The following KDM4D variants were observed in gnomAD, a reference collection of about 807,000 sequenced individuals.
KDM4D encodes the protein lysine-specific demethylase 4D.
For synonymous variants in KDM4D, 254 were observed against 249.1 expected (o/e 1.02, Z -0.19); for missense variants, 427 against 674.8 (o/e 0.63, Z 4.07).
At position 94,998,326 on chromosome 11, in the gene KDM4D, C is replaced by T. The variant is rs1555099521; in HGVS notation, c.954C>T (p.Thr318=). ...GTAGCTGTGGGGAGGCAAGGGTGAC[C>T]TTTTCCATGGATGCCTTCGTGCGCA... The part of the protein sequence containing the change: ...SQCSCGEARV[T]FSMDAFVRIL... Residue 318 remains threonine (T), a synonymous_variant, in exon 3 of 3, where the codon ACC becomes ACT. Transcript: ENST00000335080. This position sits in a 1 kb window ranked among gnomAD's most constrained non-coding sequence, Gnocchi z 6.7. 1 of 1,614,150 alleles carries T rather than the reference C, an allele frequency of 6.2e-7. No homozygotes were observed. The highest frequency in any genetic ancestry group is 1.7e-5 in the Admixed American group (1 of 60,016).
At chr11:94,996,585 T>G (rs997363785) in intron 2 of KDM4D, among the ~76,000 whole-genome samples, 4 of 152,378 alleles carry the variant, frequency 2.6e-5, no homozygotes, top group Non-Finnish European at 5.9e-5. Flanking sequence ...TGGTTTATCT[T>G]CATTGCTATA....
At chr11:94,995,476 T>A (rs1857968173) in intron 2 of KDM4D, among the ~76,000 whole-genome samples, 1 of 152,140 alleles carries the variant, frequency 6.6e-6, no homozygotes, top group Non-Finnish European at 1.5e-5. Context: ...TAAAGGAAGA[T>A]GAACAGTCAA....
intron 1 of KDM4D, among the ~76,000 whole-genome samples, chr11:94,975,245 G>T (rs1857787560): frequency 6.6e-6 from 1 of 151,898 alleles, no homozygotes; most frequent in South Asian, 2.1e-4. Flanking sequence ...CAACACTTGT[G>T]TTTGTACACC....
At chr11:94,985,891 A>G (rs1857881203) in intron 2 of KDM4D, among the ~76,000 whole-genome samples, 2 of 152,234 alleles carry the variant, frequency 1.3e-5, no homozygotes, top group Admixed American at 1.3e-4. Context: ...CCTACCTCAC[A>G]GCATACACAA....
chr11:94,982,435 G>A (rs972551526), intron 2 of KDM4D, among the ~76,000 whole-genome samples: 1 of 151,170 alleles, frequency 6.6e-6, no homozygotes, highest in Non-Finnish European at 1.5e-5. Context: ...TCAAAGTTTA[G>A]AGCCACTCTT....
chr11:94,998,950 C>T lies in KDM4D; in HGVS notation c.*6C>T, dbSNP rs782566671. ...GCTGGGCCCCTGTGCCCTAAGTCCACGGGCTGTCTTTATATCCCACTGCCC... is the reference window on the plus strand; with the variant it reads ...GCTGGGCCCCTGTGCCCTAAGTCCATGGGCTGTCTTTATATCCCACTGCCC... On this transcript the variant is annotated 3_prime_UTR_variant, in exon 3 of 3. Transcript: ENST00000335080. This position sits in a 1 kb window ranked among gnomAD's most constrained non-coding sequence, Gnocchi z 6.7. The T allele has an allele frequency of 3.2e-5, 48 of 1,504,884 alleles. No homozygotes were observed. Among genetic ancestry groups the T allele is most frequent in the South Asian group, 2.1e-4 (15 of 71,858 alleles). The allele number at this position is 1,504,884 out of a possible 1,614,324, so 93.2% of individuals were successfully genotyped here.
Position 94,998,562 on chromosome 11 carries a change from G to A in KDM4D, c.1190G>A (p.Cys397Tyr). Residue 397 changes from cysteine (C) to tyrosine (Y), a missense_variant, in exon 3 of 3, where the codon TGC becomes TAC. By Grantham distance (194) the Cys-to-Tyr change is radical. Transcript: ENST00000335080. The surrounding 1 kb of genome is among the most constrained non-coding windows in gnomAD (Gnocchi z 6.7). ...WPMAARSGTR[C>Y]HTLVCSSLPR... ...ATGGCTGCCCGCAGTGGGACACGGT[G>A]CCACACCCTTGTGTGCTCTTCACTC... 6.2e-7 allele frequency: 1 copy of A among 1,613,560 alleles called. No individual in the cohort carries two copies. Among genetic ancestry groups the A allele is most frequent in the East Asian group, 2.2e-5 (1 of 44,872 alleles).
At chr11:94,990,604 G>T (rs1555098588) in intron 2 of KDM4D, among the ~76,000 whole-genome samples, 1 of 152,158 alleles carries the variant, frequency 6.6e-6, no homozygotes, top group East Asian at 1.9e-4. Flanking sequence ...TTTGTTTTAA[G>T]AAATGAACTT....
At chr11:94,989,772 AC>A (rs1857919326) in intron 2 of KDM4D, among the ~76,000 whole-genome samples, 1 of 24,100 alleles carries the variant, frequency 4.1e-5, no homozygotes. Context: ...TTTTTTTTTG[AC>A]AGAGTTTCAC....
Position 94,998,134 on chromosome 11 carries a change from C to T in KDM4D, c.762C>T (p.Leu254=). The T allele has an allele frequency of 6.2e-7, 1 of 1,614,194 alleles. No homozygotes were observed. Among genetic ancestry groups the T allele is most frequent in the Non-Finnish European group, 8.5e-7 (1 of 1,180,040 alleles). The change falls in exon 3 of 3, where the codon CTC becomes CTT. Residue 254 remains leucine, a synonymous_variant. Coordinates refer to ENST00000335080, the MANE Select transcript of KDM4D (RefSeq NM_018039.3). The surrounding 1 kb of genome is among the most constrained non-coding windows in gnomAD (Gnocchi z 6.7). The stretch of plus-strand genomic sequence containing the variant: ...TGGCCCTCATCTCGCCTACAGTTCT[C>T]AAGGAAAATGGGATTCCCTTCAATC... ...HKVALISPTV[L]KENGIPFNRI... is the part of the protein sequence containing the mutation.
At chr11:94,982,642 A>T (rs1416174054) in intron 2 of KDM4D, among the ~76,000 whole-genome samples, 2 of 151,794 alleles carry the variant, frequency 1.3e-5, no homozygotes, top group African/African-American at 4.8e-5. Flanking sequence ...AAATTCTAGA[A>T]TTAATGGCCA....
At chr11:94,974,351 T>G (rs1373016407) in intron 1 of KDM4D, among the ~76,000 whole-genome samples, 1 of 152,232 alleles carries the variant, frequency 6.6e-6, no homozygotes, top group African/African-American at 2.4e-5. Context: ...ATTCTGAGAA[T>G]AGAGATCTTG....
intron 2 of KDM4D, among the ~76,000 whole-genome samples, chr11:94,993,634 A>G (rs1366535551): frequency 1.3e-5 from 2 of 152,094 alleles, no homozygotes; most frequent in Non-Finnish European, 1.5e-5. Flanking sequence ...GAATCCTTAG[A>G]AATGTAGAAA....
At chr11:94,989,446 AC>A (rs1555098412) in intron 2 of KDM4D, among the ~76,000 whole-genome samples, 1 of 152,222 alleles carries the variant, frequency 6.6e-6, no homozygotes, top group Non-Finnish European at 1.5e-5. Context: ...TATCCATGCA[AC>A]AGATGAAAAT....
At chr11:94,995,735 T>C (rs12363872) in intron 2 of KDM4D, among the ~76,000 whole-genome samples, 92,685 of 151,796 alleles carry the variant, frequency 0.61, 28,889 homozygotes, top group Middle Eastern at 0.73. Context: ...ACTATTTGAC[T>C]AAATAGAGAA....
intron 2 of KDM4D, among the ~76,000 whole-genome samples, chr11:94,987,643 A>G (rs1857899449): frequency 6.6e-6 from 1 of 152,214 alleles, no homozygotes; most frequent in Non-Finnish European, 1.5e-5. Context: ...AACTAGACAT[A>G]CGAGGAAAAC....
rs1857773977 is a variant in KDM4D, at chr11:94,974,051, A to G, written c.-462A>G. ...AGAAAGAACAAATATGTACGGGGCA[A>G]CCACGATCTTTACAAAGGTACCATT... On this transcript the variant is annotated 5_prime_UTR_variant, in exon 1 of 3. Transcript: ENST00000335080. 6.6e-6 allele frequency: 1 copy of G among 152,274 alleles called. No individual in the cohort carries two copies. Among genetic ancestry groups the G allele is most frequent in the East Asian group, 1.9e-4 (1 of 5,198 alleles). The allele number at this position is 152,274 out of a possible 1,614,324, so 9.4% of individuals were successfully genotyped here.
intron 1 of KDM4D, among the ~76,000 whole-genome samples, chr11:94,974,619 C>T (rs1485304232): frequency 2.6e-5 from 4 of 152,162 alleles, no homozygotes; most frequent in Non-Finnish European, 5.9e-5. Flanking sequence ...GAAGGTATCC[C>T]TCCTCCAGTC....
intron 2 of KDM4D, among the ~76,000 whole-genome samples, chr11:94,976,678 A>G (rs868950812): frequency 3.9e-5 from 6 of 152,196 alleles, no homozygotes; most frequent in African/African-American, 1.4e-4. Flanking sequence ...AGTATGCCAA[A>G]GGTAGCATTT....
Sources: gnomAD v4.1 joint callset for allele counts (sites outside exome capture counted in the v4.1 genomes callset) on GRCh38, gnomAD v4.1.1 for gene constraint, Gnocchi (gnomAD v3.1) non-coding constraint, MANE v1.5 for transcripts, NCBI Gene and HGNC (gene_info 2026-07-23, HGNC 2026-07-21) for gene names.